Variants in ST3GAL4 observed in about 807,000 individuals in gnomAD.
The protein encoded by ST3GAL4 is ST3 beta-galactoside alpha-2,3-sialyltransferase 4.
ST3GAL4 carries 24 observed loss-of-function variants against 42.6 expected under a neutral mutation model. That is an observed-to-expected ratio of 0.56 (90% CI 0.41 to 0.79). The LOEUF (loss-of-function observed/expected upper bound fraction) is 0.79, where lower values mean the gene tolerates loss of function less well. Among genes scored for constraint, ST3GAL4 ranks in the 30% least tolerant of loss-of-function variants. The probability of loss-of-function intolerance (pLI) is 0.00; values close to 1 mark genes in which losing one functional copy is unlikely to be tolerated. For synonymous variants in ST3GAL4, 135 were observed against 163.2 expected, an observed-to-expected ratio of 0.83 and a Z score of 1.32; for missense variants, 311 against 430.8, an observed-to-expected ratio of 0.72 and a Z score of 2.46.
At chr11:126,371,710 T>G (rs1472719973) in intron 1 of ST3GAL4, among the ~76,000 whole-genome samples, 1 of 152,226 alleles carries the variant, frequency 6.6e-6, no homozygotes, top group Non-Finnish European at 1.5e-5. Flanking sequence ...TGTTTCCATT[T>G]TTTGCTATTG....
At position 126,411,579 on chromosome 11, in the gene ST3GAL4, C is replaced by T. The variant is rs1954527956; in HGVS notation, c.772-1926C>T. On this transcript the variant is annotated intron_variant, in intron 9 of 10. Coordinates refer to ENST00000444328, the MANE Select transcript of ST3GAL4 (RefSeq NM_001254757.2). The surrounding 1 kb of genome is among the most constrained non-coding windows in gnomAD (Gnocchi z 6.3). ...GTTTAGGGTGTCACAAGGCTGGACT[C>T]GGTGTGTCAACCAGACAGTTCTCAT... Among the ~76,000 whole-genome samples, 1 of 152,144 alleles carries T rather than the reference C, an allele frequency of 6.6e-6. No individual in the cohort carries two copies. The highest frequency in any genetic ancestry group is 1.5e-5 in the Non-Finnish European group (1 of 68,026).
Position 126,360,170 on chromosome 11 carries a change from G to A in ST3GAL4, c.-61+4328G>A, listed in dbSNP as rs1421824624. On this transcript the variant is annotated intron_variant, in intron 1 of 10. Transcript: ENST00000444328. ...TTAGAGGTTGCTCAGGTTGGGAGGAGGGATTCCTGGCAGGAGAGAATTAGG... is the reference window on the plus strand; with the variant it reads ...TTAGAGGTTGCTCAGGTTGGGAGGAAGGATTCCTGGCAGGAGAGAATTAGG... Among the ~76,000 whole-genome samples, 4 of 152,360 alleles carry A rather than the reference G, an allele frequency of 2.6e-5. 1 individual carries two copies. In the South Asian group the frequency reaches 8.3e-4, roughly 32 times the overall value.
At chr11:126,407,373 G>C in intron 5 of ST3GAL4, 24 bp downstream of exon 5, 1 of 1,610,296 alleles carries the variant, frequency 6.2e-7, no homozygotes, top group Non-Finnish European at 8.5e-7. Flanking sequence ...CGGCTCGTGG[G>C]AACCATGGGC....
chr11:126,412,135 AG>A (rs1565430053), intron 9 of ST3GAL4, among the ~76,000 whole-genome samples: 1 of 152,024 alleles, frequency 6.6e-6, no homozygotes, highest in Admixed American at 6.6e-5. Flanking sequence ...ACTAATAGAG[AG>A]AGAGTGCAAG....
chr11:126,370,533 C>T (rs1396163480), intron 1 of ST3GAL4, among the ~76,000 whole-genome samples: 8 of 152,150 alleles, frequency 5.3e-5, no homozygotes, highest in Admixed American at 3.3e-4. Flanking sequence ...AATATATGTA[C>T]ATCTTGCAAA....
Position 126,386,011 on chromosome 11 carries a change from C to T in ST3GAL4, c.-60-20085C>T, listed in dbSNP as rs995735689. 3.3e-5 allele frequency among the ~76,000 whole-genome samples: 5 copies of T among 152,150 alleles called. No homozygotes were observed. Among genetic ancestry groups the T allele is most frequent in the African/African-American group, 1.2e-4 (5 of 41,438 alleles). On this transcript the variant is annotated intron_variant, in intron 1 of 10. Transcript: ENST00000444328. This position sits in a 1 kb window ranked among gnomAD's most constrained non-coding sequence, Gnocchi z 4.7. The stretch of plus-strand genomic sequence containing the variant: ...CCCCCTTTCCTTCCTGGCTGTCTGC[C>T]ACCATATGGAACTTTCTGTGCCTTG...
Position 126,400,202 on chromosome 11 carries a change from A to C in ST3GAL4, c.-60-5894A>C, listed in dbSNP as rs1218384924. ...CATGGTTCTGGAGGCTGGGAAGTCC[A>C]AGATCAAGGGGCTGCTCTGGCAAGG... On this transcript the variant is annotated intron_variant, in intron 1 of 10. Transcript: ENST00000444328. The surrounding 1 kb of genome is among the most constrained non-coding windows in gnomAD (Gnocchi z 4.6). Among the ~76,000 whole-genome samples, 1 of 152,238 alleles carries C rather than the reference A, an allele frequency of 6.6e-6. No homozygotes were observed. The highest frequency in any genetic ancestry group is 1.5e-5 in the Non-Finnish European group (1 of 68,048).
At chr11:126,358,568 C>T (rs564130558) in intron 1 of ST3GAL4, 9 of 420,020 alleles carry the variant, frequency 2.1e-5, no homozygotes, top group South Asian at 3.3e-5. Flanking sequence ...TGTAGCTTCA[C>T]GTGAGAGCAG....
intron 5 of ST3GAL4, 107 bp downstream of exon 5, chr11:126,407,456 G>T: frequency 6.4e-7 from 1 of 1,561,546 alleles, no homozygotes; most frequent in Admixed American, 1.7e-5. Context: ...CCTGACTCGG[G>T]TACCAGGGTC....
intron 1 of ST3GAL4, among the ~76,000 whole-genome samples, chr11:126,362,215 T>TA (rs746073375): frequency 0.044 from 6,250 of 141,392 alleles, 222 homozygotes; most frequent in East Asian, 0.14. Flanking sequence ...TTTTTTTTTT[T>TA]AAGACGGAGT....
At chr11:126,357,450 G>C (rs1193756615) in intron 1 of ST3GAL4, among the ~76,000 whole-genome samples, 1 of 152,176 alleles carries the variant, frequency 6.6e-6, no homozygotes, top group African/African-American at 2.4e-5. Flanking sequence ...ATGGGTTGTT[G>C]TTCAGAGACA....
At chr11:126,364,067 C>T (rs1952345453) in intron 1 of ST3GAL4, among the ~76,000 whole-genome samples, 1 of 152,266 alleles carries the variant, frequency 6.6e-6, no homozygotes, top group South Asian at 2.1e-4. Context: ...TGTTTGTCCC[C>T]CATCTCCCAA....
chr11:126,408,623 C>A, intron 8 of ST3GAL4, 127 bp downstream of exon 8: 1 of 1,193,484 alleles, frequency 8.4e-7, no homozygotes, highest in Non-Finnish European at 1.2e-6. Flanking sequence ...ATGAACCGGG[C>A]TCCCGGAAGT....
intron 1 of ST3GAL4, chr11:126,358,431 G>A: frequency 2.2e-6 from 1 of 453,504 alleles, no homozygotes; most frequent in Non-Finnish European, 4.4e-6. Flanking sequence ...CTGTATGAGT[G>A]TCCTGAGTGG....
intron 1 of ST3GAL4, among the ~76,000 whole-genome samples, chr11:126,368,400 C>T (rs1262058072): frequency 6.6e-5 from 10 of 152,238 alleles, no homozygotes; most frequent in Non-Finnish European, 1.2e-4. Context: ...GCAGTCGGCC[C>T]TCAGGCCCTG....
At chr11:126,362,301 G>A (rs556699407) in intron 1 of ST3GAL4, among the ~76,000 whole-genome samples, 3 of 150,234 alleles carry the variant, frequency 2.0e-5, no homozygotes, top group African/African-American at 7.4e-5. Context: ...GGGTTCAAGC[G>A]AGATTCTCCT....
Position 126,409,343 on chromosome 11 carries a change from T to C in ST3GAL4, c.703T>C (p.Phe235Leu). 1.2e-6 allele frequency: 2 copies of C among 1,614,242 alleles called. No individual in the cohort carries two copies. Among genetic ancestry groups the C allele is most frequent in the Non-Finnish European group, 1.7e-6 (2 of 1,180,040 alleles). The change falls in exon 9 of 11, where the codon TTC (phenylalanine) becomes CTC (leucine). Residue 235 changes from phenylalanine to leucine, a missense_variant. Transcript: ENST00000444328. This position sits in a 1 kb window ranked among gnomAD's most constrained non-coding sequence, Gnocchi z 4.9. The part of the protein sequence containing the change: ...NPKQIRILNP[F>L]FMEIAADKLL... Reference sequence around the variant, plus strand: ...TAAACAGATTCGGATTCTCAACCCCTTCTTCATGGAGATTGCAGCTGACAA... The same window carrying C: ...TAAACAGATTCGGATTCTCAACCCCCTCTTCATGGAGATTGCAGCTGACAA...
At position 126,406,672 on chromosome 11, in the gene ST3GAL4, G is replaced by T; in HGVS notation, c.101+115G>T. On this transcript the variant is annotated intron_variant, in intron 3 of 10. Transcript: ENST00000444328. This position sits in a 1 kb window ranked among gnomAD's most constrained non-coding sequence, Gnocchi z 5.4. ...AGGAAGGTTCCAAGAGCCGGCACAT[G>T]ACCTCATCCCTTCAGCTGCTGGTAC... 1 of 1,288,628 alleles carries T rather than the reference G, an allele frequency of 7.8e-7. No homozygotes were observed. The allele number at this position is 1,288,628 out of a possible 1,614,324, so 79.8% of individuals were successfully genotyped here.
At position 126,391,780 on chromosome 11, in the gene ST3GAL4, G is replaced by C. The variant is rs1457081174; in HGVS notation, c.-60-14316G>C. ...GTTGGGCTGGGCCAGCGCTTGAATT[G>C]AGAGGGGCTGCCATGTGTCTGGGGA... On this transcript the variant is annotated intron_variant, in intron 1 of 10. Transcript: ENST00000444328. The surrounding 1 kb of genome is among the most constrained non-coding windows in gnomAD (Gnocchi z 5.5). Among the ~76,000 whole-genome samples the C allele has an allele frequency of 8.5e-5, 13 of 152,156 alleles. No individual in the cohort carries two copies. Among genetic ancestry groups the C allele is most frequent in the Admixed American group, 8.5e-4 (13 of 15,276 alleles).
Sources: gnomAD v4.1 joint callset for allele counts (sites outside exome capture counted in the v4.1 genomes callset) on GRCh38, gnomAD v4.1.1 for gene constraint, Gnocchi (gnomAD v3.1) non-coding constraint, MANE v1.5 for transcripts, NCBI Gene and HGNC (gene_info 2026-07-23, HGNC 2026-07-21) for gene names.